The following IL15 variants were observed in gnomAD, a reference collection of about 807,000 sequenced individuals.
IL15 encodes interleukin 15.
Under a neutral mutation model 19.6 loss-of-function variants are expected in IL15, and 11 were observed. The observed-to-expected ratio is 0.56, with a 90% confidence interval of 0.35 to 0.93. IL15 has a LOEUF of 0.93. Among genes scored for constraint, IL15 ranks in the 40% least tolerant of loss-of-function variants. The pLI, the probability that IL15 is intolerant of heterozygous loss-of-function variation, is 0.01. For missense variants in IL15, 197 were observed against 186.5 expected (o/e 1.06, Z -0.33); for synonymous variants, 58 against 59.6 (o/e 0.97, Z 0.12).
intron 5 of IL15, among the ~76,000 whole-genome samples, chr4:141,725,558 C>T (rs1264227492): frequency 2.0e-5 from 3 of 152,150 alleles, no homozygotes; most frequent in Non-Finnish European, 2.9e-5. Flanking sequence ...TTATTTAAGT[C>T]ACCAAGTCTG....
chr4:141,722,358 A>G (rs1730118379), intron 5 of IL15, among the ~76,000 whole-genome samples: 1 of 152,056 alleles, frequency 6.6e-6, no homozygotes. Context: ...CTCTTCTCCC[A>G]CCTCAAGAAA....
chr4:141,637,063 C>G (rs1726881781), intron 1 of IL15: 1 of 152,254 alleles, frequency 6.6e-6, no homozygotes, highest in African/African-American at 2.4e-5. Flanking sequence ...TTCCAGGCTG[C>G]TGGCTAGCGC....
At chr4:141,680,912 T>C (rs1728509767) in intron 2 of IL15, among the ~76,000 whole-genome samples, 1 of 152,220 alleles carries the variant, frequency 6.6e-6, no homozygotes, top group African/African-American at 2.4e-5. Context: ...TAAATATTAA[T>C]TATACATTTT....
chr4:141,697,778 C>G (rs1165088754), intron 2 of IL15, among the ~76,000 whole-genome samples: 1 of 150,962 alleles, frequency 6.6e-6, no homozygotes, highest in Admixed American at 6.6e-5. Flanking sequence ...TAAAAGGGGT[C>G]GAATGACAAT....
intron 2 of IL15, among the ~76,000 whole-genome samples, chr4:141,703,770 C>T (rs1294826318): frequency 7.3e-6 from 1 of 137,404 alleles, no homozygotes; most frequent in African/African-American, 2.7e-5. Flanking sequence ...ATAGATCATT[C>T]ACTTCCTTGG....
intron 1 of IL15, among the ~76,000 whole-genome samples, chr4:141,641,593 A>C (rs1371037908): frequency 6.6e-6 from 1 of 151,618 alleles, no homozygotes; most frequent in Non-Finnish European, 1.5e-5. Context: ...TTGCAAGGAC[A>C]AAAAACCAAA....
chr4:141,646,170 C>T (rs748997899), intron 1 of IL15, among the ~76,000 whole-genome samples: 12 of 151,954 alleles, frequency 7.9e-5, no homozygotes, highest in East Asian at 3.9e-4. Flanking sequence ...AAGGGTAATC[C>T]GGTTAAAATA....
intron 2 of IL15, among the ~76,000 whole-genome samples, chr4:141,699,059 AT>A (rs1729195154): frequency 6.6e-6 from 1 of 152,138 alleles, no homozygotes; most frequent in South Asian, 2.1e-4. Context: ...GGATTTTAAA[AT>A]TTCCATCTTG....
intron 2 of IL15, among the ~76,000 whole-genome samples, chr4:141,670,494 C>G (rs970936438): frequency 2.0e-5 from 3 of 152,098 alleles, no homozygotes; most frequent in African/African-American, 7.2e-5. Context: ...CTTAAACTAA[C>G]CATAATTAAT....
At chr4:141,704,678 T>G (rs1729449749) in intron 2 of IL15, 2 of 256,242 alleles carry the variant, frequency 7.8e-6, no homozygotes, top group South Asian at 4.5e-5. Flanking sequence ...TCCTGGTCTT[T>G]TCTTTGATGA....
chr4:141,694,918 T>C (rs1377737987), intron 2 of IL15, among the ~76,000 whole-genome samples: 1 of 152,186 alleles, frequency 6.6e-6, no homozygotes, highest in African/African-American at 2.4e-5. Flanking sequence ...ATTTCAAATG[T>C]AATATCTAAT....
intron 1 of IL15, among the ~76,000 whole-genome samples, chr4:141,648,466 G>A (rs754499610): frequency 1.3e-5 from 2 of 151,960 alleles, no homozygotes; most frequent in African/African-American, 4.8e-5. Flanking sequence ...TATTTGCCGA[G>A]TATTTTGAGA....
At chr4:141,712,167 G>A (rs1410068902) in intron 2 of IL15, among the ~76,000 whole-genome samples, 1 of 151,898 alleles carries the variant, frequency 6.6e-6, no homozygotes, top group Admixed American at 6.6e-5. Flanking sequence ...ATACTATGTT[G>A]GAATTTCTAC....
At position 141,724,389 on chromosome 4, in the gene IL15, T is replaced by A. The variant is rs111392714; in HGVS notation, c.195+2381T>A. On this transcript the variant is annotated intron_variant, in intron 5 of 7. Coordinates refer to ENST00000320650, the MANE Select transcript of IL15 (RefSeq NM_000585.5). ...AAGGAGAATTATCAAATCAAAAATC[T>A]AAGTTACTGCTTCAAGAAACTAGAA... 3.1e-3 allele frequency among the ~76,000 whole-genome samples: 465 copies of A among 152,056 alleles called. 1 individual carries two copies. The highest frequency in any genetic ancestry group is 0.01 in the Middle Eastern group (3 of 294).
At chr4:141,718,023 A>G (rs1729947467) in intron 2 of IL15, 1 of 152,034 alleles carries the variant, frequency 6.6e-6, no homozygotes, top group South Asian at 2.1e-4. Context: ...TTTTGAGGAC[A>G]TTTTCTATTG....
At chr4:141,681,693 A>T (rs1728537575) in intron 2 of IL15, among the ~76,000 whole-genome samples, 1 of 152,146 alleles carries the variant, frequency 6.6e-6, no homozygotes, top group South Asian at 2.1e-4. Context: ...CTACTGGAAA[A>T]CTAAGAAAAA....
Position 141,662,429 on chromosome 4 carries a change from A to C in IL15, c.-100+6122A>C, listed in dbSNP as rs533890321. 2.3e-4 allele frequency among the ~76,000 whole-genome samples: 35 copies of C among 152,336 alleles called. No individual in the cohort carries two copies. The South Asian group carries it at 6.2e-3, about 27-fold the overall frequency. ...TCATAGTTAAGAAATGCACACCATC[A>C]TCTTTGTAATAAGGCTACCTGCGTT... On this transcript the variant is annotated intron_variant, in intron 2 of 7. Transcript: ENST00000320650.
chr4:141,668,598 C>T (rs1170690583), intron 2 of IL15, among the ~76,000 whole-genome samples: 1 of 152,198 alleles, frequency 6.6e-6, no homozygotes, highest in African/African-American at 2.4e-5. Context: ...CACTCTCAAT[C>T]CCCTACTGGT....
chr4:141,647,426 CA>C (rs1422572165), intron 1 of IL15, among the ~76,000 whole-genome samples: 1 of 151,932 alleles, frequency 6.6e-6, no homozygotes, highest in Non-Finnish European at 1.5e-5. Context: ...GCTATTTGTA[CA>C]AGATTTGGGT....
Sources: gnomAD v4.1 joint callset for allele counts (sites outside exome capture counted in the v4.1 genomes callset) on GRCh38, gnomAD v4.1.1 for gene constraint, MANE v1.5 for transcripts, NCBI Gene and HGNC (gene_info 2026-07-23, HGNC 2026-07-21) for gene names.